The following ZFP91 variants were observed in gnomAD, a reference collection of about 807,000 sequenced individuals.
ZFP91 encodes the protein E3 ubiquitin-protein ligase ZFP91.
In ZFP91, 7 loss-of-function variants were observed where a neutral mutation model predicts 63.5. That is an observed-to-expected ratio of 0.11 (90% confidence interval 0.06 to 0.21). The LOEUF (loss-of-function observed/expected upper bound fraction) is 0.21, where lower values mean the gene tolerates loss of function less well. Among genes scored for constraint, ZFP91 ranks in the 10% least tolerant of loss-of-function variants. ZFP91 has a pLI of 1.00. For missense variants in ZFP91, 628 were observed against 736.6 expected (o/e 0.85, Z 1.71); for synonymous variants, 330 against 272.1 (o/e 1.21, Z -2.10).
At position 58,600,127 on chromosome 11, in the gene ZFP91, G is replaced by A. The variant is rs578227182; in HGVS notation, c.371-9703G>A. On this transcript the variant is annotated intron_variant, in intron 2 of 10. Transcript: ENST00000316059. Reference sequence around the variant, plus strand: ...GTTGAAATTGAGAAGAAAAAAGTGCGTCTTTAATTCTGTTTGTTTTCAAGA... The same window carrying A: ...GTTGAAATTGAGAAGAAAAAAGTGCATCTTTAATTCTGTTTGTTTTCAAGA... Among the ~76,000 whole-genome samples the A allele has an allele frequency of 5.9e-5, 9 of 152,124 alleles. No individual in the cohort carries two copies. In the South Asian group the frequency reaches 1.0e-3, roughly 18 times the overall value.
intron 2 of ZFP91, among the ~76,000 whole-genome samples, chr11:58,606,712 G>T (rs2134414391): frequency 6.6e-6 from 1 of 151,862 alleles, no homozygotes; most frequent in South Asian, 2.1e-4. Flanking sequence ...TCCTACTTTG[G>T]TCTCTGTGGT....
chr11:58,593,470 A>T (rs1310158670), intron 2 of ZFP91, among the ~76,000 whole-genome samples: 1 of 152,212 alleles, frequency 6.6e-6, no homozygotes, highest in Non-Finnish European at 1.5e-5. Flanking sequence ...ACAGAACAAG[A>T]TTGTACTGTG....
intron 5 of ZFP91, 29 bp from the exon 6 acceptor site, chr11:58,611,575 C>G (rs376285376): frequency 1.2e-6 from 2 of 1,600,584 alleles, no homozygotes; most frequent in Middle Eastern, 1.7e-4. Flanking sequence ...GATCTTTTGT[C>G]TAGTATTGAA....
Position 58,579,338 on chromosome 11 carries a change from A to G in ZFP91, c.57A>G (p.Gly19=), listed in dbSNP as rs1855041339. The G allele has an allele frequency of 2.7e-6, 4 of 1,493,980 alleles. No individual in the cohort carries two copies. Among genetic ancestry groups the G allele is most frequent in the African/African-American group, 1.5e-5 (1 of 67,832 alleles). The allele number at this position is 1,493,980 out of a possible 1,614,324, so 92.5% of individuals were successfully genotyped here. A position where few individuals can be genotyped will look rare whatever the true frequency, so the allele number is the denominator to read the frequency against. Residue 19 remains glycine (G), a synonymous_variant, in exon 1 of 11, where the codon GGA becomes GGG. Transcript: ENST00000316059. ...RPPEQQDQEG[G]EAAKAAPEEP... is the part of the protein sequence containing the mutation. ...CGGAGCAGCAGGACCAGGAAGGGGG[A>G]GAGGCGGCCAAGGCGGCTCCGGAGG...
At position 58,612,288 on chromosome 11, in the gene ZFP91, A is replaced by C. The variant is rs749726346; in HGVS notation, c.868A>C (p.Arg290=). The change falls in exon 7 of 11, where the codon AGA becomes CGA. Residue 290 remains arginine, a synonymous_variant. Coordinates refer to ENST00000316059, the MANE Select transcript of ZFP91 (RefSeq NM_053023.5). ...DEEPPRKRGR[R]RKDDKSPRLP... ...TGTCTTCAATTACAGGAGAGGAAGA[A>C]GACGAAAAGATGACAAAAGTCCACG... The C allele has an allele frequency of 9.3e-6, 15 of 1,613,814 alleles. No individual in the cohort carries two copies. The highest frequency in any genetic ancestry group is 1.3e-5 in the Non-Finnish European group (15 of 1,179,762).
chr11:58,605,644 T>A (rs1234441581), intron 2 of ZFP91, among the ~76,000 whole-genome samples: 1 of 152,182 alleles, frequency 6.6e-6, no homozygotes, highest in Non-Finnish European at 1.5e-5. Flanking sequence ...TTAATCTTGT[T>A]GAGTATTCCT....
At chr11:58,581,985 G>C (rs539094088) in intron 1 of ZFP91, among the ~76,000 whole-genome samples, 1 of 152,254 alleles carries the variant, frequency 6.6e-6, no homozygotes, top group African/African-American at 2.4e-5. Context: ...TTTTTGATCA[G>C]GTTGTTAAAC....
chr11:58,579,647 G>A (rs1458833451), intron 1 of ZFP91, 25 bp downstream of exon 1: 3 of 1,525,640 alleles, frequency 2.0e-6, no homozygotes, highest in Middle Eastern at 1.9e-4. Context: ...TTCAGGCGGT[G>A]GGAAAGACCC....
rs1168432715 is a variant in ZFP91 at position 58,579,070 on chromosome 11, G to GCA, written c.-211_-210insAC. ...TTGGCCCGCTGAGCGTCTGTGGCGC[G>GCA]CGCGCGCGCGCCGCCAGCGGTAGCG... On this transcript the variant is annotated 5_prime_UTR_variant, in exon 1 of 11. Coordinates refer to ENST00000316059, the MANE Select transcript of ZFP91 (RefSeq NM_053023.5). The GCA allele has an allele frequency of 1.9e-5, 7 of 369,412 alleles. No homozygotes were observed. The East Asian group carries it at 2.6e-4, about 14-fold the overall frequency. 22.9% of individuals were successfully genotyped at this position (369,412 alleles called of 1,614,324 possible). A position where few individuals can be genotyped will look rare whatever the true frequency, so the allele number is the denominator to read the frequency against.
rs534942272 is a variant in ZFP91 at position 58,579,226 on chromosome 11, C to A, written c.-56C>A. 1.5e-6 allele frequency: 2 copies of A among 1,346,002 alleles called. No individual in the cohort carries two copies. The highest frequency in any genetic ancestry group is 4.0e-5 in the Admixed American group (1 of 25,032). 83.4% of individuals were successfully genotyped at this position (1,346,002 alleles called of 1,614,324 possible). On this transcript the variant is annotated 5_prime_UTR_variant, in exon 1 of 11. Coordinates refer to ENST00000316059, the MANE Select transcript of ZFP91 (RefSeq NM_053023.5). ...GGGGGCGGGGGGAGCAGCGCCGAGGCCGCCGCCTCCGCCTCCGCCGCCTAG... is the reference window on the plus strand; with the variant it reads ...GGGGGCGGGGGGAGCAGCGCCGAGGACGCCGCCTCCGCCTCCGCCGCCTAG...
At chr11:58,586,319 A>G (rs909023058) in intron 2 of ZFP91, among the ~76,000 whole-genome samples, 1 of 152,336 alleles carries the variant, frequency 6.6e-6, no homozygotes, top group Admixed American at 6.5e-5. Flanking sequence ...AGAGAAAAGT[A>G]GATGACCTTT....
At position 58,618,803 on chromosome 11, in the gene ZFP91, T is replaced by C. The variant is rs907103646; in HGVS notation, c.*1097T>C. On this transcript the variant is annotated 3_prime_UTR_variant, in exon 11 of 11. Transcript: ENST00000316059. ...ATAGCCTAGTGCTTTTTTGGAAGCC[T>C]TTTTAGGGAAGAATGTTAGGTTCAT... is the stretch of plus-strand genomic sequence containing the variant. 2 of 425,260 alleles carry C rather than the reference T, an allele frequency of 4.7e-6. No individual in the cohort carries two copies. The highest frequency in any genetic ancestry group is 1.4e-4 in the East Asian group (2 of 13,996). The allele number at this position is 425,260 out of a possible 1,614,324, so 26.3% of individuals were successfully genotyped here.
At chr11:58,579,670 A>G (rs745670747) in intron 1 of ZFP91, 48 bp downstream of exon 1, 1 of 1,470,862 alleles carries the variant, frequency 6.8e-7, no homozygotes, top group South Asian at 1.3e-5. Context: ...CTCTGTCCGT[A>G]CGCAACCCTC....
chr11:58,611,911 TA>T (rs1855671534), intron 6 of ZFP91, 173 bp downstream of exon 6: 3 of 689,124 alleles, frequency 4.4e-6, no homozygotes, highest in South Asian at 2.9e-5. Flanking sequence ...AGACTCTTAG[TA>T]AAAAAATGTT....
At chr11:58,610,355 T>G in intron 4 of ZFP91, 21 bp downstream of exon 4, 1 of 1,577,436 alleles carries the variant, frequency 6.3e-7, no homozygotes. Context: ...CATTAATATT[T>G]CATTTTTAAA....
In ZFP91 at chr11:58,598,212, G is replaced by A. The variant is rs189092076; in HGVS notation, c.371-11618G>A. Among the ~76,000 whole-genome samples, 682 of 152,164 alleles carry A rather than the reference G, an allele frequency of 4.5e-3. 6 individuals carry two copies. Among genetic ancestry groups the A allele is most frequent in the African/African-American group, 0.015 (634 of 41,536 alleles). ...GATACCATATATAGTCTAAGACTTT[G>A]TGTGTGTAAGTTTTGTTGAATTTTA... On this transcript the variant is annotated intron_variant, in intron 2 of 10. Transcript: ENST00000316059.
Position 58,617,860 on chromosome 11 carries a change from T to C in ZFP91, c.*154T>C. On this transcript the variant is annotated 3_prime_UTR_variant, in exon 11 of 11. Coordinates refer to ENST00000316059, the MANE Select transcript of ZFP91 (RefSeq NM_053023.5). This position sits in a 1 kb window ranked among gnomAD's most constrained non-coding sequence, Gnocchi z 4.2. The stretch of plus-strand genomic sequence containing the variant: ...TCACAGCACACACATACATACACCC[T>C]CCACCTCCCCATCCCCTGTTCTCCC... The C allele has an allele frequency of 1.0e-6, 1 of 974,298 alleles. No individual in the cohort carries two copies. Among genetic ancestry groups the C allele is most frequent in the Non-Finnish European group, 1.4e-6 (1 of 733,302 alleles). 60.4% of individuals were successfully genotyped at this position (974,298 alleles called of 1,614,324 possible).
At chr11:58,590,507 C>T (rs955401438) in intron 2 of ZFP91, among the ~76,000 whole-genome samples, 1 of 152,098 alleles carries the variant, frequency 6.6e-6, no homozygotes, top group Non-Finnish European at 1.5e-5. Context: ...CTTGAAACCA[C>T]CCCCACAGTA....
rs772630557 is a variant in ZFP91, at chr11:58,612,262, CT to C, written c.858-15del. On this transcript the variant is annotated splice_polypyrimidine_tract_variant and intron_variant, in intron 6 of 10. Coordinates refer to ENST00000316059, the MANE Select transcript of ZFP91 (RefSeq NM_053023.5). Reference sequence around the variant, plus strand: ...GATTCAGAATATGTCTACTGTTACCCTGTCTTCAATTACAGGAGAGGAAGAA... The same window carrying C: ...GATTCAGAATATGTCTACTGTTACCCGTCTTCAATTACAGGAGAGGAAGAA... 2 of 1,613,226 alleles carry C rather than the reference CT, an allele frequency of 1.2e-6. No individual in the cohort carries two copies. Among genetic ancestry groups the C allele is most frequent in the Non-Finnish European group, 1.7e-6 (2 of 1,179,414 alleles).
Sources: gnomAD v4.1 joint callset for allele counts (sites outside exome capture counted in the v4.1 genomes callset) on GRCh38, gnomAD v4.1.1 for gene constraint, Gnocchi (gnomAD v3.1) non-coding constraint, MANE v1.5 for transcripts, NCBI Gene and HGNC (gene_info 2026-07-23, HGNC 2026-07-21) for gene names.